Variants in PTPRT observed in about 807,000 individuals in gnomAD.
PTPRT encodes receptor-type tyrosine-protein phosphatase T.
In PTPRT, 56 loss-of-function variants were observed where a neutral mutation model predicts 176.8. That is an observed-to-expected ratio of 0.32 (90% CI 0.26 to 0.40). The LOEUF (loss-of-function observed/expected upper bound fraction) is 0.40, where lower values mean the gene tolerates loss of function less well. Among genes scored for constraint, PTPRT ranks in the 10% least tolerant of loss-of-function variants. The pLI is 1.00. For synonymous variants in PTPRT, 783 were observed against 739.0 expected, an observed-to-expected ratio of 1.06 and a Z score of -0.96; for missense variants, 1,540 against 1,908.2, an observed-to-expected ratio of 0.81 and a Z score of 3.60.
chr20:42,037,018 C>A, the PTPRT span, among the ~76,000 whole-genome samples: 1 of 152,176 alleles, frequency 6.6e-6, no homozygotes, highest in African/African-American at 2.4e-5. Context: ...AGCAACCCTC[C>A]CTCAGAGGAC....
intron 14 of PTPRT, among the ~76,000 whole-genome samples, chr20:42,238,874 C>T (rs959193443): frequency 6.6e-6 from 1 of 152,174 alleles, no homozygotes; most frequent in Non-Finnish European, 1.5e-5. Flanking sequence ...AGTCACTAAA[C>T]AGCCCTGAGT....
At chr20:42,805,964 A>G (rs922947108) in intron 2 of PTPRT, among the ~76,000 whole-genome samples, 1 of 151,644 alleles carries the variant, frequency 6.6e-6, no homozygotes, top group African/African-American at 2.4e-5. Flanking sequence ...AGGCAGGTAG[A>G]TAGGTATATC....
chr20:42,770,901 C>G (rs1192282950), intron 5 of PTPRT, among the ~76,000 whole-genome samples: 1 of 152,200 alleles, frequency 6.6e-6, no homozygotes, highest in African/African-American at 2.4e-5. Context: ...TATACCAATG[C>G]CTGACTAGCA....
intron 15 of PTPRT, among the ~76,000 whole-genome samples, chr20:42,208,238 C>A (rs1230850332): frequency 1.7e-5 from 2 of 115,630 alleles, no homozygotes; most frequent in African/African-American, 3.9e-5. Flanking sequence ...CATCAACTAA[C>A]GAGCAAAATC....
intron 1 of PTPRT, among the ~76,000 whole-genome samples, chr20:42,903,903 G>A (rs1315388361): frequency 6.6e-6 from 1 of 152,196 alleles, no homozygotes; most frequent in Admixed American, 6.5e-5. Context: ...CCTCTCTAAT[G>A]TTGACACTTT....
At chr20:42,583,695 C>G (rs562905473) in intron 7 of PTPRT, among the ~76,000 whole-genome samples, 4 of 152,330 alleles carry the variant, frequency 2.6e-5, no homozygotes, top group Admixed American at 2.6e-4. Context: ...GCTTATTACA[C>G]AGATTTACAT....
At chr20:42,115,831 A>G (rs1317287565) in intron 21 of PTPRT, among the ~76,000 whole-genome samples, 2 of 152,142 alleles carry the variant, frequency 1.3e-5, no homozygotes, top group Non-Finnish European at 2.9e-5. Flanking sequence ...GGAGGGGGAC[A>G]TCATTAAGAG....
intron 27 of PTPRT, among the ~76,000 whole-genome samples, chr20:42,096,047 C>T (rs1318937219): frequency 6.6e-6 from 1 of 152,200 alleles, no homozygotes; most frequent in Non-Finnish European, 1.5e-5. Context: ...CCTTCTTATT[C>T]ACCTCCCACC....
At chr20:42,254,669 G>T (rs988065803) in intron 13 of PTPRT, among the ~76,000 whole-genome samples, 4 of 152,202 alleles carry the variant, frequency 2.6e-5, no homozygotes, top group African/African-American at 9.6e-5. Flanking sequence ...TTTGAATGTG[G>T]AAGAGCTAAT....
intron 1 of PTPRT, among the ~76,000 whole-genome samples, chr20:42,949,223 C>G (rs1380201689): frequency 6.6e-6 from 1 of 152,212 alleles, no homozygotes; most frequent in African/African-American, 2.4e-5. Flanking sequence ...CCTACTCTCC[C>G]TTTGCATCTG....
intron 14 of PTPRT, among the ~76,000 whole-genome samples, chr20:42,244,959 T>C (rs1041836912): frequency 6.6e-6 from 1 of 152,140 alleles, no homozygotes; most frequent in Admixed American, 6.5e-5. Context: ...GGGGAGGATG[T>C]CTAACAGTTC....
chr20:42,602,408 A>G (rs1419376264), intron 7 of PTPRT, among the ~76,000 whole-genome samples: 1 of 152,188 alleles, frequency 6.6e-6, no homozygotes, highest in Non-Finnish European at 1.5e-5. Flanking sequence ...AGAATGGGAT[A>G]ATAATCATAA....
chr20:42,624,005 C>CAAAAAAAAAAAAAAA lies in PTPRT; in HGVS notation c.1153+53860_1153+53861insTTTTTTTTTTTTTTT, dbSNP rs1159094345. Among the ~76,000 whole-genome samples the CAAAAAAAAAAAAAAA allele has an allele frequency of 9.5e-4, 129 of 135,738 alleles. 6 individuals carry two copies. The highest frequency in any genetic ancestry group is 3.9e-3 in the African/African-American group (122 of 31,176). 89.0% of individuals were successfully genotyped at this position (135,738 alleles called of 152,430 possible). A position where few individuals can be genotyped will look rare whatever the true frequency, so the allele number is the denominator to read the frequency against. On this transcript the variant is annotated intron_variant, in intron 7 of 30. Transcript: ENST00000373187. ...CCCACGAAGGAAAACAAAACAATAGCAACAAACAAACAAACAAACAAAAAA... is the reference window on the plus strand; with the variant it reads ...CCCACGAAGGAAAACAAAACAATAGCAAAAAAAAAAAAAAAAACAAACAAACAAACAAACAAAAAA...
At chr20:42,753,752 G>A (rs2076794295) in intron 6 of PTPRT, among the ~76,000 whole-genome samples, 1 of 152,204 alleles carries the variant, frequency 6.6e-6, no homozygotes, top group South Asian at 2.1e-4. Context: ...GTAAACCCTG[G>A]CCACCTCTCC....
At chr20:42,100,212 A>G (rs921845326) in intron 26 of PTPRT, among the ~76,000 whole-genome samples, 1 of 152,204 alleles carries the variant, frequency 6.6e-6, no homozygotes, top group African/African-American at 2.4e-5. Context: ...TAAACGCTCT[A>G]TTAGGCCAGC....
intron 8 of PTPRT, among the ~76,000 whole-genome samples, chr20:42,464,345 G>A (rs55790124): frequency 0.036 from 5,513 of 152,240 alleles, 122 homozygotes; most frequent in Non-Finnish European, 0.054. Context: ...CTCAAAGAGA[G>A]ATAATAAAGT....
At chr20:42,683,442 T>A (rs1208841738) in intron 6 of PTPRT, among the ~76,000 whole-genome samples, 1 of 152,064 alleles carries the variant, frequency 6.6e-6, no homozygotes, top group East Asian at 1.9e-4. Context: ...CACGTCCAGC[T>A]AATTTTTGTA....
At chr20:42,556,497 C>A (rs545873451) in intron 7 of PTPRT, among the ~76,000 whole-genome samples, 1 of 152,074 alleles carries the variant, frequency 6.6e-6, no homozygotes, top group Non-Finnish European at 1.5e-5. Flanking sequence ...AATATCACTG[C>A]ATCACTTGAA....
intron 5 of PTPRT, among the ~76,000 whole-genome samples, chr20:42,769,490 T>C (rs1033925726): frequency 6.6e-6 from 1 of 152,232 alleles, no homozygotes; most frequent in Non-Finnish European, 1.5e-5. Context: ...GGTGAGGATA[T>C]GGAGCAACTA....
Sources: gnomAD v4.1 joint callset for allele counts (sites outside exome capture counted in the v4.1 genomes callset) on GRCh38, gnomAD v4.1.1 for gene constraint, MANE v1.5 for transcripts, NCBI Gene and HGNC (gene_info 2026-07-23, HGNC 2026-07-21) for gene names.